The following LTN1 variants were observed in gnomAD, a reference collection of about 807,000 sequenced individuals.
The protein encoded by LTN1 is listerin E3 ubiquitin protein ligase 1, also known as E3 ubiquitin-protein ligase listerin.
Under a neutral mutation model 201.2 loss-of-function variants are expected in LTN1, and 88 were observed. The observed-to-expected ratio is 0.44, with a 90% CI of 0.37 to 0.52. The LOEUF is 0.52. Among genes scored for constraint, LTN1 ranks in the 20% least tolerant of loss-of-function variants. LTN1 has a pLI of 0.00. For synonymous variants in LTN1, 645 were observed against 713.5 expected, an observed-to-expected ratio of 0.90 and a Z score of 1.53; for missense variants, 1,752 against 2,038.7, an observed-to-expected ratio of 0.86 and a Z score of 2.71.
At chr21:28,984,107 T>C (rs1327781507) in intron 4 of LTN1, among the ~76,000 whole-genome samples, 1 of 152,198 alleles carries the variant, frequency 6.6e-6, no homozygotes, top group East Asian at 1.9e-4. Flanking sequence ...AAAATTTTAA[T>C]GTTCTTATTC....
At chr21:28,948,148 G>C (rs9977468) in intron 18 of LTN1, among the ~76,000 whole-genome samples, 116,828 of 116,830 alleles carry the variant, frequency 1, 58,413 homozygotes, top group Middle Eastern at 1. Flanking sequence ...CTTGAGATTG[G>C]GCCCCTGCAC....
At chr21:28,976,006 T>C (rs956808148) in intron 6 of LTN1, among the ~76,000 whole-genome samples, 2 of 152,110 alleles carry the variant, frequency 1.3e-5, no homozygotes, top group South Asian at 2.1e-4. Context: ...GCTCCATTTA[T>C]ATGACAGCAT....
intron 16 of LTN1, among the ~76,000 whole-genome samples, chr21:28,956,161 G>T (rs2084424089): frequency 6.6e-6 from 1 of 151,994 alleles, no homozygotes; most frequent in Admixed American, 6.6e-5. Flanking sequence ...CGGTGAATGG[G>T]TACCAAAATA....
At chr21:28,990,064 T>C (rs559604418) in intron 1 of LTN1, among the ~76,000 whole-genome samples, 1 of 152,312 alleles carries the variant, frequency 6.6e-6, no homozygotes, top group South Asian at 2.1e-4. Flanking sequence ...AACGCTTCCT[T>C]TCTTTTCACT....
rs1368187437 is a variant in LTN1, at chr21:28,953,269, T to C, written c.3187A>G (p.Asn1063Asp). 1 of 1,602,632 alleles carries C rather than the reference T, an allele frequency of 6.2e-7. No homozygotes were observed. The highest frequency in any genetic ancestry group is 1.8e-5 in the Admixed American group (1 of 56,190). ...ILQKMNITYD[N>D]LRVLGNTSGL... ...GACGTATTACCAAGTACACGTAAGT[T>C]ATCATACGTAATATTCATTTTTTGA... Residue 1063 changes from asparagine (N) to aspartate (D), a missense_variant, in exon 17 of 30, where the codon AAC becomes GAC. Asn to Asp is a conservative substitution (Grantham distance 23). This residue lies in a region of LTN1 where 1,211 missense variants were observed against 1,312.8 expected (regional missense o/e 0.92). Coordinates refer to ENST00000361371, the MANE Select transcript of LTN1 (RefSeq NM_015565.3).
chr21:28,988,141 CAAA>C (rs1271726378), intron 1 of LTN1, among the ~76,000 whole-genome samples: 4 of 77,962 alleles, frequency 5.1e-5, no homozygotes, highest in Admixed American at 4.7e-4. Flanking sequence ...GACTCTGTCT[CAAA>C]AAAAAAAAAA....
intron 14 of LTN1, 114 bp from the exon 15 acceptor site, chr21:28,957,590 A>G (rs571084980): frequency 3.2e-6 from 2 of 631,916 alleles, no homozygotes; most frequent in Admixed American, 7.3e-5. Context: ...AAATGATGAA[A>G]ATAAAAAGAG....
chr21:28,989,031 T>C (rs1346395802), intron 1 of LTN1, among the ~76,000 whole-genome samples: 1 of 152,100 alleles, frequency 6.6e-6, no homozygotes, highest in Non-Finnish European at 1.5e-5. Context: ...TCTCTATTTT[T>C]TAAGTTTATT....
chr21:28,960,736 A>G (rs746218840), intron 11 of LTN1, 30 bp from the exon 12 acceptor site: 4 of 1,487,864 alleles, frequency 2.7e-6, no homozygotes, highest in Non-Finnish European at 3.7e-6. Context: ...GCAAAGATTA[A>G]CAGCAAGATC....
In LTN1 at chr21:28,941,412, A is replaced by G; in HGVS notation, c.4296-6T>C. 1 of 1,594,538 alleles carries G rather than the reference A, an allele frequency of 6.3e-7. No homozygotes were observed. Among genetic ancestry groups the G allele is most frequent in the East Asian group, 2.3e-5 (1 of 44,424 alleles). On this transcript the variant is annotated splice_polypyrimidine_tract_variant and splice_region_variant and intron_variant, in intron 24 of 29. Transcript: ENST00000361371. ...TCAGTGCTGCTGGTGGTGACCTAAG[A>G]ATCAATGATTAAACACCACAAGTTT...
intron 17 of LTN1, 22 bp from the exon 18 acceptor site, chr21:28,952,286 T>A (rs759464919): frequency 1.4e-6 from 2 of 1,383,250 alleles, no homozygotes; most frequent in East Asian, 2.3e-5. Flanking sequence ...AAGAAAAAAA[T>A]TATATTCCGT....
chr21:28,930,930 G>C (rs977196468), intron 29 of LTN1, among the ~76,000 whole-genome samples: 2 of 152,060 alleles, frequency 1.3e-5, no homozygotes, highest in African/African-American at 4.8e-5. Context: ...ATTTATTAGA[G>C]GGCCTTGATT....
In LTN1 at chr21:28,956,778, A is replaced by G. The variant is rs781333721; in HGVS notation, c.3063T>C (p.Asn1021=). 3.1e-5 allele frequency: 50 copies of G among 1,593,050 alleles called. No individual in the cohort carries two copies. The highest frequency in any genetic ancestry group is 4.3e-5 in the Non-Finnish European group (50 of 1,169,230). The change falls in exon 16 of 30, where the codon AAT becomes AAC. Residue 1021 remains asparagine (N), a synonymous_variant. Coordinates refer to ENST00000361371, the MANE Select transcript of LTN1 (RefSeq NM_015565.3). The part of the protein sequence containing the change: ...ALRKETVLEN[N]ELEKIIAELL... ...TATACTTACTTATTTTCTCAAGCTC[A>G]TTATTTTCTAAGACTGTTTCCTTTC...
rs750574169 is a variant in LTN1, at chr21:28,992,745, C to A, written c.42+19G>T. 2 of 1,613,654 alleles carry A rather than the reference C, an allele frequency of 1.2e-6. No individual in the cohort carries two copies. Among genetic ancestry groups the A allele is most frequent in the African/African-American group, 2.7e-5 (2 of 74,934 alleles). On this transcript the variant is annotated intron_variant, in intron 1 of 29. Transcript: ENST00000361371. ...CTCGAAGCGAGGCTCCCGGGTCGGC[C>A]GAGCCAGCCCCCGCTCACCCTCAGG...
intron 26 of LTN1, among the ~76,000 whole-genome samples, chr21:28,935,733 C>T (rs945407210): frequency 4.0e-5 from 6 of 150,718 alleles, no homozygotes; most frequent in South Asian, 4.2e-4. Context: ...CCAGCTACTC[C>T]GGAGGCTGAG....
intron 27 of LTN1, among the ~76,000 whole-genome samples, 196 bp from the exon 28 acceptor site, chr21:28,932,860 T>C (rs1382560957): frequency 6.6e-6 from 1 of 152,270 alleles, no homozygotes; most frequent in Non-Finnish European, 1.5e-5. Context: ...GATTTTGTGA[T>C]ATTCAAAGTT....
At chr21:28,947,663 A>G (rs886826682) in intron 18 of LTN1, 57 bp from the exon 19 acceptor site, 18 of 1,110,366 alleles carry the variant, frequency 1.6e-5, no homozygotes, top group Non-Finnish European at 1.7e-5. Flanking sequence ...CAGTTATTTT[A>G]TATATTTCTT....
At chr21:28,936,372 C>A (rs1186014166) in intron 26 of LTN1, among the ~76,000 whole-genome samples, 154 bp downstream of exon 26, 2 of 152,154 alleles carry the variant, frequency 1.3e-5, no homozygotes, top group African/African-American at 4.8e-5. Context: ...AATTATTCAT[C>A]CTATTTAGAG....
chr21:28,953,313 A>G lies in LTN1; in HGVS notation c.3143T>C (p.Ile1048Thr), dbSNP rs1179026554. The change falls in exon 17 of 30, where the codon ATT becomes ACT. Residue 1048 changes from isoleucine (I) to threonine (T), a missense_variant. Coordinates refer to ENST00000361371, the MANE Select transcript of LTN1 (RefSeq NM_015565.3). The stretch of plus-strand genomic sequence containing the variant: ...TTTTTGAAGTATTTCACAAAATCCA[A>G]TTAGAAAAATAGGTGGGTTATCTAA... ...EELDNPPIFL[I>T]GFCEILQKMN... 2.5e-6 allele frequency: 4 copies of G among 1,608,514 alleles called. No homozygotes were observed. Among genetic ancestry groups the G allele is most frequent in the East Asian group, 2.2e-5 (1 of 44,640 alleles).
Sources: gnomAD v4.1 joint callset for allele counts (sites outside exome capture counted in the v4.1 genomes callset) on GRCh38, gnomAD v4.1.1 for gene constraint, gnomAD v4.1.1 regional missense constraint, MANE v1.5 for transcripts, NCBI Gene and HGNC (gene_info 2026-07-23, HGNC 2026-07-21) for gene names.